GALNT2: variants seen among roughly 807,000 people sequenced by gnomAD.
GALNT2 encodes the protein polypeptide N-acetylgalactosaminyltransferase 2, also known as UDP-GalNAc:polypeptide N-acetylgalactosaminyltransferase 2.
A neutral mutation model predicts 81.4 loss-of-function variants in GALNT2; 31 were observed. The observed-to-expected ratio is 0.38, with a 90% CI of 0.29 to 0.51. GALNT2 has a LOEUF of 0.51. GALNT2 is among the 20% of genes least tolerant of loss of function. The pLI is 0.87. For missense variants in GALNT2, 629 were observed against 765.7 expected (o/e 0.82, Z 2.11); for synonymous variants, 303 against 287.4 (o/e 1.05, Z -0.55).
intron 1 of GALNT2, among the ~76,000 whole-genome samples, chr1:230,174,267 G>A (rs1662886617): frequency 6.6e-6 from 1 of 152,108 alleles, no homozygotes; most frequent in Non-Finnish European, 1.5e-5. Context: ...GTCATGCGGG[G>A]TCTCCTCCTT....
At chr1:230,230,741 T>C (rs538948144) in intron 3 of GALNT2, among the ~76,000 whole-genome samples, 3 of 152,376 alleles carry the variant, frequency 2.0e-5, no homozygotes, top group Admixed American at 2.0e-4. Context: ...TGTGTAGGCA[T>C]AAACTAATGC....
rs145679262 is a variant in GALNT2 at position 230,175,846 on chromosome 1, T to C, written c.127-2372T>C. Among the ~76,000 whole-genome samples the C allele has an allele frequency of 4.0e-3, 609 of 152,022 alleles. 4 individuals are homozygous for C. Among genetic ancestry groups the C allele is most frequent in the African/African-American group, 0.012 (503 of 41,412 alleles). On this transcript the variant is annotated intron_variant, in intron 1 of 15. Transcript: ENST00000366672. ...TTATGACATTTTGAGAATCAGGCTC[T>C]TATAATTTAGTTTAAATCGAGCCCT...
intron 1 of GALNT2, among the ~76,000 whole-genome samples, chr1:230,169,583 A>G (rs906046340): frequency 4.6e-5 from 7 of 152,222 alleles, no homozygotes; most frequent in East Asian, 3.8e-4. Flanking sequence ...CGTGGAATCA[A>G]TGTGCAGGAT....
At chr1:230,269,018 G>A (rs777877511) in intron 14 of GALNT2, among the ~76,000 whole-genome samples, 1 of 152,154 alleles carries the variant, frequency 6.6e-6, no homozygotes, top group Non-Finnish European at 1.5e-5. Context: ...TCTTGCTGTT[G>A]TGCAGCCATT....
chr1:230,235,987 C>G lies in GALNT2; in HGVS notation c.375-27C>G, dbSNP rs781317193. ...TGTGGCTGCTCTGGGGGTCATTGTT[C>G]AGAGGACCATCTTTCTCTTCCTGCA... On this transcript the variant is annotated intron_variant, in intron 3 of 15. Coordinates refer to ENST00000366672, the MANE Select transcript of GALNT2 (RefSeq NM_004481.5). 2.5e-6 allele frequency: 4 copies of G among 1,609,530 alleles called. No individual in the cohort carries two copies. The South Asian group carries it at 4.4e-5, about 18-fold the overall frequency.
At chr1:230,233,273 G>A (rs1462944629) in intron 3 of GALNT2, among the ~76,000 whole-genome samples, 1 of 152,032 alleles carries the variant, frequency 6.6e-6, no homozygotes, top group Non-Finnish European at 1.5e-5. Flanking sequence ...TCTAATTTTG[G>A]GGGCAGATAA....
chr1:230,189,511 C>T (rs193077826), intron 2 of GALNT2, among the ~76,000 whole-genome samples: 2 of 152,148 alleles, frequency 1.3e-5, no homozygotes, highest in Non-Finnish European at 2.9e-5. Context: ...TCCCACCTGC[C>T]GGAAGAAAGA....
intron 1 of GALNT2, chr1:230,058,122 TGGGGCTATG>T (rs1202545125): frequency 2.2e-6 from 1 of 456,118 alleles, no homozygotes; most frequent in Non-Finnish European, 4.4e-6. Context: ...TCCTTAAGTC[TGGGGCTATG>T]GGGGCGTCTT....
chr1:230,126,349 G>A (rs546406174), intron 1 of GALNT2, among the ~76,000 whole-genome samples: 1 of 152,340 alleles, frequency 6.6e-6, no homozygotes, highest in East Asian at 1.9e-4. Flanking sequence ...CTGAGAGAGG[G>A]CAGCCATGCA....
At chr1:230,132,525 G>A (rs768322598) in intron 1 of GALNT2, among the ~76,000 whole-genome samples, 33 of 152,142 alleles carry the variant, frequency 2.2e-4, no homozygotes, top group Non-Finnish European at 8.8e-5. Context: ...TTTCCTGCAG[G>A]GCCAGGCCTT....
In GALNT2 at chr1:230,250,477, G is replaced by T. The variant is rs1665510618; in HGVS notation, c.926G>T (p.Gly309Val). 1 of 1,613,860 alleles carries T rather than the reference G, an allele frequency of 6.2e-7. No homozygotes were observed. The highest frequency in any genetic ancestry group is 1.3e-5 in the African/African-American group (1 of 74,894). ...APIKTPMIAG[G>V]LFVMDKFYFE... ...TTTAGAACCCCCATGATTGCTGGTG[G>T]GCTGTTTGTGATGGATAAGTTCTAT... Residue 309 changes from glycine (G) to valine (V), a missense_variant, in exon 10 of 16, where the codon GGG (glycine) becomes GTG (valine). Physicochemically the swap from Gly to Val is moderately radical, Grantham distance 109. Around this residue, in one of 3 missense-constraint regions of GALNT2, gnomAD observed 360 missense variants for 492.8 expected, o/e 0.73. Transcript: ENST00000366672.
chr1:230,119,411 A>G (rs1485396038), intron 1 of GALNT2, among the ~76,000 whole-genome samples: 2 of 151,684 alleles, frequency 1.3e-5, no homozygotes, highest in East Asian at 3.9e-4. Context: ...TGAGATTCCC[A>G]TTTGATTTGT....
chr1:230,190,492 T>C (rs1663486525), intron 2 of GALNT2, among the ~76,000 whole-genome samples: 1 of 152,210 alleles, frequency 6.6e-6, no homozygotes, highest in African/African-American at 2.4e-5. Context: ...GTTCAATCTT[T>C]TCGTGAATTT....
At chr1:230,262,766 G>T in intron 12 of GALNT2, 101 bp downstream of exon 12, 1 of 1,347,130 alleles carries the variant, frequency 7.4e-7, no homozygotes, top group Middle Eastern at 1.8e-4. Context: ...CTACCCAGGT[G>T]CCAAGGCGGG....
At chr1:230,221,195 A>G (rs1264373985) in intron 3 of GALNT2, among the ~76,000 whole-genome samples, 1 of 152,176 alleles carries the variant, frequency 6.6e-6, no homozygotes, top group Non-Finnish European at 1.5e-5. Context: ...TCAGTAATAC[A>G]TAGGAAATAT....
At chr1:230,110,092 C>CT (rs1660659119) in intron 1 of GALNT2, among the ~76,000 whole-genome samples, 1 of 152,214 alleles carries the variant, frequency 6.6e-6, no homozygotes, top group Admixed American at 6.5e-5. Flanking sequence ...CAGCCGTTCT[C>CT]TGTGCAGAGG....
At chr1:230,222,031 C>CTTTTTTGTTTTTTTTTTTT (rs1664562901) in intron 3 of GALNT2, among the ~76,000 whole-genome samples, 1 of 96,120 alleles carries the variant, frequency 1.0e-5, no homozygotes, top group Non-Finnish European at 1.9e-5. Flanking sequence ...CTGCTTTTCT[C>CTTTTTTGTTTTTTTTTTTT]TTTTTTTTTT....
chr1:230,127,659 C>T (rs1661230605), intron 1 of GALNT2, among the ~76,000 whole-genome samples: 1 of 151,032 alleles, frequency 6.6e-6, no homozygotes. Context: ...CAGATGTGAG[C>T]CACTGTGCCG....
chr1:230,103,839 T>C (rs1347438322), intron 1 of GALNT2, among the ~76,000 whole-genome samples: 1 of 152,170 alleles, frequency 6.6e-6, no homozygotes, highest in Non-Finnish European at 1.5e-5. Flanking sequence ...TATTAGGTAA[T>C]GGATTGTTAT....
Sources: allele counts gnomAD v4.1 joint callset (sites outside exome capture counted in the v4.1 genomes callset), GRCh38; gene constraint gnomAD v4.1.1; regional missense constraint gnomAD v4.1.1; transcripts MANE v1.5; gene names NCBI Gene and HGNC (gene_info 2026-07-23, HGNC 2026-07-21).